Variants in KLHL8 observed in about 807,000 individuals in gnomAD.
KLHL8 encodes kelch like family member 8, also known as kelch-like protein 8.
A neutral mutation model predicts 63.5 loss-of-function variants in KLHL8; 38 were observed. The observed-to-expected ratio is 0.60, with a 90% confidence interval of 0.46 to 0.78. KLHL8 has a LOEUF of 0.78. Among genes scored for constraint, KLHL8 ranks in the 30% least tolerant of loss-of-function variants. The probability of loss-of-function intolerance (pLI) is 0.00; values close to 1 mark genes in which losing one functional copy is unlikely to be tolerated. For synonymous variants in KLHL8, 224 were observed against 254.3 expected (o/e 0.88, Z 1.13); for missense variants, 566 against 752.4 (o/e 0.75, Z 2.90).
chr4:87,221,692 G>GTA (rs144203663), upstream of KLHL8, among the ~76,000 whole-genome samples: 822 of 150,620 alleles, frequency 5.5e-3, 7 homozygotes, highest in African/African-American at 0.018. Flanking sequence ...ATATATATCT[G>GTA]TATATATATA....
At chr4:87,227,944 G>C (rs1161983428) in intron 1 of KLHL8, among the ~76,000 whole-genome samples, 1 of 152,100 alleles carries the variant, frequency 6.6e-6, no homozygotes, top group African/African-American at 2.4e-5. Context: ...CTGATCTCCT[G>C]ATCCCTGAGG....
rs1031647185 is a variant in KLHL8 at position 87,209,835 on chromosome 4, T to A, written c.-152+10583A>T. On this transcript the variant is annotated intron_variant, in intron 1 of 9. Coordinates refer to ENST00000273963, the MANE Select transcript of KLHL8 (RefSeq NM_020803.5). ...AAGAGGAACTCCAAATGGCACTTGG[T>A]GTTCCGTTTTGGGTTTTTTTTTTTT... Among the ~76,000 whole-genome samples the A allele has an allele frequency of 2.7e-5, 4 of 146,436 alleles. No individual in the cohort carries two copies. In the Admixed American group the frequency reaches 2.9e-4, roughly 11 times the overall value.
intron 6 of KLHL8, among the ~76,000 whole-genome samples, chr4:87,172,507 T>C (rs1026562872): frequency 1.3e-5 from 2 of 152,176 alleles, no homozygotes; most frequent in Admixed American, 1.3e-4. Context: ...AGAAAATTAA[T>C]ACAACCCCAT....
chr4:87,213,458 A>G (rs1363285435), intron 1 of KLHL8, among the ~76,000 whole-genome samples: 1 of 152,236 alleles, frequency 6.6e-6, no homozygotes, highest in East Asian at 1.9e-4. Flanking sequence ...TACTGAAGGG[A>G]TAGCTATGCC....
chr4:87,230,174 G>A (rs1250489297), intron 1 of KLHL8, among the ~76,000 whole-genome samples: 2 of 152,146 alleles, frequency 1.3e-5, no homozygotes, highest in African/African-American at 4.8e-5. Flanking sequence ...AGAGGAAGCT[G>A]TATGTAGAGC....
intron 1 of KLHL8, chr4:87,208,064 T>G: frequency 1.7e-6 from 1 of 596,760 alleles, no homozygotes; most frequent in African/African-American, 1.8e-5. Context: ...GTCGTGGACC[T>G]CATGGCCCAC....
chr4:87,222,879 C>A (rs545246271), upstream of KLHL8, among the ~76,000 whole-genome samples: 1 of 151,954 alleles, frequency 6.6e-6, no homozygotes, highest in Admixed American at 6.6e-5. Context: ...CCACCACGCC[C>A]GGCCTACAAT....
intron 1 of KLHL8, among the ~76,000 whole-genome samples, chr4:87,203,182 G>C (rs1731983666): frequency 6.6e-6 from 1 of 152,136 alleles, no homozygotes. Flanking sequence ...ACACATAATT[G>C]TCTATGTAAA....
intron 4 of KLHL8, among the ~76,000 whole-genome samples, chr4:87,182,999 G>A (rs1445689355): frequency 2.8e-5 from 4 of 142,514 alleles, no homozygotes; most frequent in Non-Finnish European, 4.9e-5. Context: ...ATACAGGACT[G>A]ATTACGGCTT....
rs373740245 is a variant in KLHL8, at chr4:87,195,462, T to C, written c.78A>G (p.Gln26=). 58 of 1,613,848 alleles carry C rather than the reference T, an allele frequency of 3.6e-5. No individual in the cohort carries two copies. Among genetic ancestry groups the C allele is most frequent in the Non-Finnish European group, 4.4e-5 (52 of 1,179,928 alleles). The change falls in exon 2 of 10, where the codon CAA becomes CAG. Residue 26 remains glutamine, a synonymous_variant. Transcript: ENST00000273963. ...TKGKRQQQHQ[Q]IKNRSSISDG... ...CACTAATTGAGGATCTGTTCTTTAT[T>C]TGCTGGTGCTGTTGTTGCCTTTTCC...
intron 8 of KLHL8, among the ~76,000 whole-genome samples, chr4:87,165,712 T>C (rs1252949635): frequency 1.3e-5 from 2 of 152,128 alleles, no homozygotes; most frequent in Admixed American, 1.3e-4. Flanking sequence ...TTGATAGCTA[T>C]ATTTTCCATA....
chr4:87,212,853 C>G (rs1290549153), intron 1 of KLHL8, among the ~76,000 whole-genome samples: 1 of 152,172 alleles, frequency 6.6e-6, no homozygotes, highest in African/African-American at 2.4e-5. Context: ...CACCACAGAG[C>G]CTAGGTGTGT....
intron 4 of KLHL8, among the ~76,000 whole-genome samples, chr4:87,181,593 G>GAA (rs1033021328): frequency 2.9e-5 from 4 of 135,982 alleles, no homozygotes; most frequent in Admixed American, 7.4e-5. Context: ...CGTATGGAAG[G>GAA]AAAAAAAAAA....
chr4:87,190,481 TA>T (rs1483870284), intron 2 of KLHL8, among the ~76,000 whole-genome samples: 1 of 151,586 alleles, frequency 6.6e-6, no homozygotes, highest in Non-Finnish European at 1.5e-5. Flanking sequence ...CCCATCTCTA[TA>T]AAAATACAAA....
intron 1 of KLHL8, among the ~76,000 whole-genome samples, chr4:87,204,055 G>T (rs972228914): frequency 6.6e-6 from 1 of 152,146 alleles, no homozygotes; most frequent in Non-Finnish European, 1.5e-5. Flanking sequence ...CTGCCATTAC[G>T]TAAATGAAAA....
rs559784091 is a variant in KLHL8, at chr4:87,220,534, G to C, written c.-268C>G. The C allele has an allele frequency of 8.5e-4, 129 of 152,234 alleles. 1 individual carries two copies. The highest frequency in any genetic ancestry group is 2.9e-3 in the African/African-American group (122 of 41,544). 9.4% of individuals were successfully genotyped at this position (152,234 alleles called of 1,614,324 possible). On this transcript the variant is annotated 5_prime_UTR_variant, in exon 1 of 10. Transcript: ENST00000273963. The stretch of plus-strand genomic sequence containing the variant: ...ACCAACCCCGCGCGAGCACCCGGCG[G>C]ACGCGCGCTCTCCTGCGCGGCCCCG...
At chr4:87,216,712 A>T (rs549605664) in intron 1 of KLHL8, among the ~76,000 whole-genome samples, 1 of 152,150 alleles carries the variant, frequency 6.6e-6, no homozygotes, top group African/African-American at 2.4e-5. Context: ...TAACCAAACC[A>T]AACAATATAC....
chr4:87,170,559 T>A lies in KLHL8; in HGVS notation c.1265A>T (p.Asp422Val), dbSNP rs547537190. The A allele has an allele frequency of 6.2e-7, 1 of 1,614,050 alleles. No homozygotes were observed. Among genetic ancestry groups the A allele is most frequent in the East Asian group, 2.2e-5 (1 of 44,868 alleles). Residue 422 changes from aspartate (D) to valine (V), a missense_variant, in exon 7 of 10, where the codon GAT becomes GTT. Physicochemically the swap from Asp to Val is radical, Grantham distance 152. Transcript: ENST00000273963. ...GGPIYAIGGL[D>V]DNTCFNDVER... ...CACATCATTGAAGCAAGTATTGTCA[T>A]CTAACCCTCCAATTGCATAAATTGG...
intron 8 of KLHL8, among the ~76,000 whole-genome samples, chr4:87,168,762 G>GTA (rs759534647): frequency 2.8e-5 from 4 of 141,462 alleles, no homozygotes; most frequent in Non-Finnish European, 4.6e-5. Context: ...ATATGTGTGT[G>GTA]TATATATATG....
Sources: gnomAD v4.1 joint callset for allele counts (sites outside exome capture counted in the v4.1 genomes callset) on GRCh38, gnomAD v4.1.1 for gene constraint, MANE v1.5 for transcripts, NCBI Gene and HGNC (gene_info 2026-07-23, HGNC 2026-07-21) for gene names.